Variants in PDE9A observed in about 807,000 individuals in gnomAD.
PDE9A encodes high affinity cGMP-specific 3',5'-cyclic phosphodiesterase 9A.
In PDE9A, 60 loss-of-function variants were observed where a neutral mutation model predicts 87.4. That is an observed-to-expected ratio of 0.69 (90% CI 0.56 to 0.85). The LOEUF (loss-of-function observed/expected upper bound fraction) is 0.85, where lower values mean the gene tolerates loss of function less well. Ranked by LOEUF, PDE9A falls within the 40% of genes least tolerant of loss-of-function variation. The probability of loss-of-function intolerance (pLI) is 0.00; values close to 1 mark genes in which losing one functional copy is unlikely to be tolerated. For synonymous variants in PDE9A, 272 were observed against 279.4 expected, an observed-to-expected ratio of 0.97 and a Z score of 0.27; for missense variants, 665 against 779.0, an observed-to-expected ratio of 0.85 and a Z score of 1.74.
intron 1 of PDE9A, among the ~76,000 whole-genome samples, chr21:42,656,631 C>T (rs1265964739): frequency 6.6e-6 from 1 of 152,164 alleles, no homozygotes; most frequent in Non-Finnish European, 1.5e-5. Context: ...ACTCCAGACA[C>T]GCACAGGTGT....
chr21:42,706,387 G>A (rs188095892), intron 4 of PDE9A, among the ~76,000 whole-genome samples: 67 of 152,340 alleles, frequency 4.4e-4, no homozygotes, highest in Admixed American at 1.1e-3. Flanking sequence ...GCTCACGCCT[G>A]TAATCCCAGC....
At chr21:42,666,984 G>C (rs1404988369) in intron 1 of PDE9A, among the ~76,000 whole-genome samples, 1 of 152,158 alleles carries the variant, frequency 6.6e-6, no homozygotes, top group Non-Finnish European at 1.5e-5. Flanking sequence ...CCGCCGACTC[G>C]CCCTCCCGGG....
intron 1 of PDE9A, among the ~76,000 whole-genome samples, chr21:42,657,250 C>T (rs1448963532): frequency 2.0e-5 from 3 of 152,218 alleles, no homozygotes; most frequent in African/African-American, 4.8e-5. Context: ...GGCCTGTTCC[C>T]GTCATCTGTT....
intron 10 of PDE9A, 22 bp downstream of exon 10, chr21:42,754,086 A>G: frequency 6.4e-7 from 1 of 1,558,072 alleles, no homozygotes; most frequent in African/African-American, 1.4e-5. Flanking sequence ...GCTTGCAGGC[A>G]CCACGTCCCA....
intron 4 of PDE9A, among the ~76,000 whole-genome samples, chr21:42,701,430 C>CTT (rs78233841): frequency 3.4e-4 from 48 of 142,526 alleles, no homozygotes; most frequent in African/African-American, 4.4e-4. Flanking sequence ...TGCTGTTTTG[C>CTT]TTTTTTTTTT....
At chr21:42,699,089 C>A in intron 4 of PDE9A, 78 bp downstream of exon 4, 2 of 884,644 alleles carry the variant, frequency 2.3e-6, no homozygotes, top group Non-Finnish European at 3.8e-6. Flanking sequence ...AAAATATATA[C>A]TAGTTAAGCA....
chr21:42,725,655 G>A (rs556151441), intron 4 of PDE9A, among the ~76,000 whole-genome samples: 7 of 152,160 alleles, frequency 4.6e-5, no homozygotes, highest in Non-Finnish European at 7.3e-5. Flanking sequence ...GCATCCATCC[G>A]GGTTGTCGCC....
At chr21:42,768,116 C>T (rs1244746768) in intron 15 of PDE9A, 72 bp from the exon 16 acceptor site, 15 of 917,090 alleles carry the variant, frequency 1.6e-5, no homozygotes, top group Admixed American at 5.2e-5. Context: ...AATGGCAAGT[C>T]CAGACCCGAG....
chr21:42,673,313 A>T (rs368191225), intron 1 of PDE9A, among the ~76,000 whole-genome samples: 1 of 152,160 alleles, frequency 6.6e-6, no homozygotes, highest in East Asian at 1.9e-4. Context: ...GGGCGATCCT[A>T]GAGGTAAGAG....
intron 10 of PDE9A, chr21:42,757,769 G>C (rs796883329): frequency 6.6e-6 from 1 of 152,096 alleles, no homozygotes; most frequent in Non-Finnish European, 1.5e-5. Context: ...CTGTTCTCTC[G>C]GCACATGCAT....
chr21:42,683,586 C>T (rs1257648742), intron 1 of PDE9A, among the ~76,000 whole-genome samples: 2 of 152,240 alleles, frequency 1.3e-5, no homozygotes, highest in Non-Finnish European at 2.9e-5. Context: ...GGCCTCACGA[C>T]CTGGCCCCAT....
Position 42,704,415 on chromosome 21 carries a change from A to AC in PDE9A, c.262+5412dup, listed in dbSNP as rs368852400. ...AGGAGACAAAGTCGGTGTCAGGTAG[A>AC]CCCCCCCCACCCCACCAAACACACA... On this transcript the variant is annotated intron_variant, in intron 4 of 19. Coordinates refer to ENST00000291539, the MANE Select transcript of PDE9A (RefSeq NM_002606.3). The surrounding 1 kb of genome is among the most constrained non-coding windows in gnomAD (Gnocchi z 5.3). Among the ~76,000 whole-genome samples the AC allele has an allele frequency of 5.9e-4, 76 of 129,292 alleles. 1 individual carries two copies. Among genetic ancestry groups the AC allele is most frequent in the East Asian group, 2.0e-3 (8 of 4,082 alleles). 84.8% of individuals were successfully genotyped at this position (129,292 alleles called of 152,430 possible). A position where few individuals can be genotyped will look rare whatever the true frequency, so the allele number is the denominator to read the frequency against.
intron 8 of PDE9A, among the ~76,000 whole-genome samples, chr21:42,749,004 T>G (rs1055637572): frequency 5.8e-4 from 89 of 152,230 alleles, no homozygotes; most frequent in Non-Finnish European, 9.8e-4. Context: ...GCGGAGGCAC[T>G]GTGCTGGTTT....
rs775352020 is a variant in PDE9A at position 42,696,679 on chromosome 21, C to T, written c.219-2289C>T. 2.0e-5 allele frequency among the ~76,000 whole-genome samples: 3 copies of T among 152,220 alleles called. No individual in the cohort carries two copies. Among genetic ancestry groups the T allele is most frequent in the Non-Finnish European group, 4.4e-5 (3 of 68,034 alleles). On this transcript the variant is annotated intron_variant, in intron 3 of 19. Coordinates refer to ENST00000291539, the MANE Select transcript of PDE9A (RefSeq NM_002606.3). This position sits in a 1 kb window ranked among gnomAD's most constrained non-coding sequence, Gnocchi z 5.1. ...CCACTCTGTCCTCCCAGCCCAGGCC[C>T]TTCCTAGGCAACCCTGGCACGGGTC...
At chr21:42,737,389 C>A (rs2052571124) in intron 7 of PDE9A, among the ~76,000 whole-genome samples, 1 of 152,232 alleles carries the variant, frequency 6.6e-6, no homozygotes, top group Admixed American at 6.5e-5. Flanking sequence ...TGATCACATA[C>A]CCACACATGC....
chr21:42,708,960 C>A (rs1372960145), intron 4 of PDE9A, among the ~76,000 whole-genome samples: 1 of 152,050 alleles, frequency 6.6e-6, no homozygotes. Context: ...ATATATATAC[C>A]CAAAGGAATA....
intron 1 of PDE9A, among the ~76,000 whole-genome samples, chr21:42,678,221 G>A (rs529754634): frequency 9.2e-5 from 14 of 152,348 alleles, no homozygotes; most frequent in African/African-American, 2.2e-4. Context: ...GATCTCTGCC[G>A]GCTGCAGATC....
At chr21:42,736,015 A>G (rs765417818) in intron 7 of PDE9A, among the ~76,000 whole-genome samples, 1 of 152,088 alleles carries the variant, frequency 6.6e-6, no homozygotes, top group Non-Finnish European at 1.5e-5. Flanking sequence ...TACGGACACA[A>G]AAAGCCACGC....
rs1306405566 is a variant in PDE9A, at chr21:42,768,263, G to A, written c.1432G>A (p.Asp478Asn). 1 of 1,603,438 alleles carries A rather than the reference G, an allele frequency of 6.2e-7. No individual in the cohort carries two copies. The highest frequency in any genetic ancestry group is 1.3e-5 in the African/African-American group (1 of 74,718). Reference protein sequence around the residue: ...RPMEVAEPWVDCLLEEYFMQS... With the variant: ...RPMEVAEPWVNCLLEEYFMQS... ...AATGGAAGTCGCAGAGCCTTGGGTG[G>A]ACTGTTTATTAGAGGAATATTTTAT... The change falls in exon 16 of 20, where the codon GAC becomes AAC. Residue 478 changes from aspartate (D) to asparagine (N), a missense_variant. Transcript: ENST00000291539.
Sources: gnomAD v4.1 joint callset for allele counts (sites outside exome capture counted in the v4.1 genomes callset) on GRCh38, gnomAD v4.1.1 for gene constraint, Gnocchi (gnomAD v3.1) non-coding constraint, MANE v1.5 for transcripts, NCBI Gene and HGNC (gene_info 2026-07-23, HGNC 2026-07-21) for gene names.